Variants in ATP9B observed in about 807,000 individuals in gnomAD.
The protein encoded by ATP9B is ATPase phospholipid transporting 9B, also known as probable phospholipid-transporting ATPase IIB.
In ATP9B, 110 loss-of-function variants were observed where a neutral mutation model predicts 146.1. That is an observed-to-expected ratio of 0.75 (90% CI 0.65 to 0.88). ATP9B has a LOEUF of 0.88. Ranked by LOEUF, ATP9B falls within the 40% of genes least tolerant of loss-of-function variation. The probability of loss-of-function intolerance (pLI) is 0.00; values close to 1 mark genes in which losing one functional copy is unlikely to be tolerated. For missense variants in ATP9B, 1,499 were observed against 1,496.4 expected (o/e 1.00, Z -0.03); for synonymous variants, 604 against 569.7 (o/e 1.06, Z -0.86).
chr18:79,324,344 C>CT (rs2096732702), intron 15 of ATP9B, among the ~76,000 whole-genome samples: 1 of 152,090 alleles, frequency 6.6e-6, no homozygotes, highest in Non-Finnish European at 1.5e-5. Context: ...CTTTGGTTGC[C>CT]TGTGCTTTTG....
chr18:79,273,997 A>G (rs2096281575), intron 12 of ATP9B, among the ~76,000 whole-genome samples: 1 of 152,210 alleles, frequency 6.6e-6, no homozygotes, highest in African/African-American at 2.4e-5. Flanking sequence ...CTTTTGTTTC[A>G]GGTAACTGTC....
chr18:79,156,308 T>C (rs1027577897), intron 7 of ATP9B, among the ~76,000 whole-genome samples: 1 of 152,224 alleles, frequency 6.6e-6, no homozygotes, highest in Admixed American at 6.5e-5. Context: ...CCTAGTTAGC[T>C]GGTCCCATGT....
At chr18:79,258,565 A>C (rs1007157702) in intron 12 of ATP9B, among the ~76,000 whole-genome samples, 2 of 152,254 alleles carry the variant, frequency 1.3e-5, no homozygotes, top group Non-Finnish European at 2.9e-5. Flanking sequence ...TTATATCTAC[A>C]TACAACACCC....
intron 11 of ATP9B, among the ~76,000 whole-genome samples, chr18:79,233,015 G>A (rs2095806319): frequency 6.6e-6 from 1 of 152,148 alleles, no homozygotes; most frequent in South Asian, 2.1e-4. Flanking sequence ...TATGTGGCCG[G>A]GCACGGTGGC....
intron 8 of ATP9B, among the ~76,000 whole-genome samples, chr18:79,192,485 G>A (rs2095377069): frequency 6.6e-6 from 1 of 152,144 alleles, no homozygotes; most frequent in Non-Finnish European, 1.5e-5. Flanking sequence ...GCACTGGGGT[G>A]GCGTCCATTG....
intron 13 of ATP9B, chr18:79,299,970 T>G (rs993692221): frequency 1.3e-5 from 2 of 152,282 alleles, no homozygotes; most frequent in Admixed American, 6.5e-5. Context: ...TGTCTCCATC[T>G]AAGGAGTGGA....
intron 25 of ATP9B, among the ~76,000 whole-genome samples, chr18:79,350,458 G>A (rs993184157): frequency 6.6e-6 from 1 of 152,192 alleles, no homozygotes; most frequent in South Asian, 2.1e-4. Flanking sequence ...TCTCCTGGCC[G>A]CTGAGGCTCC....
At chr18:79,119,823 T>C (rs2094157494) in intron 4 of ATP9B, among the ~76,000 whole-genome samples, 1 of 152,230 alleles carries the variant, frequency 6.6e-6, no homozygotes, top group South Asian at 2.1e-4. Flanking sequence ...AACCTTTGAT[T>C]GAGCAAACCT....
intron 6 of ATP9B, among the ~76,000 whole-genome samples, chr18:79,151,774 C>A (rs940283096): frequency 1.3e-5 from 2 of 150,370 alleles, no homozygotes; most frequent in African/African-American, 4.9e-5. Context: ...GCAGAACGTG[C>A]AAGTTTGTTA....
At chr18:79,146,341 A>G in intron 6 of ATP9B, 1 of 161,566 alleles carries the variant, frequency 6.2e-6, no homozygotes, top group Non-Finnish European at 1.2e-5. Flanking sequence ...CGGTGTGCAG[A>G]GTGACTGAAG....
chr18:79,215,920 C>G (rs964993292), intron 11 of ATP9B, among the ~76,000 whole-genome samples: 6 of 152,170 alleles, frequency 3.9e-5, no homozygotes, highest in African/African-American at 1.4e-4. Flanking sequence ...AAACTCCTGA[C>G]CTCAAGTGAT....
At chr18:79,194,430 G>C (rs2095399340) in intron 9 of ATP9B, 1 of 152,250 alleles carries the variant, frequency 6.6e-6, no homozygotes, top group African/African-American at 2.4e-5. Context: ...AAGGAAGTCG[G>C]AGAGCAAGTG....
intron 14 of ATP9B, among the ~76,000 whole-genome samples, chr18:79,305,599 TAA>T (rs898110756): frequency 1.3e-5 from 2 of 149,678 alleles, no homozygotes; most frequent in African/African-American, 4.9e-5. Context: ...CTCTGCTTTT[TAA>T]AAAAAAAAAA....
At chr18:79,322,131 G>A (rs4799033) in intron 15 of ATP9B, among the ~76,000 whole-genome samples, 61,722 of 151,852 alleles carry the variant, frequency 0.41, 12,837 homozygotes, top group Middle Eastern at 0.55. Flanking sequence ...GGAGTGTATC[G>A]CTGATGCCCT....
At position 79,096,690 on chromosome 18, in the gene ATP9B, G is replaced by A. The variant is rs369003152; in HGVS notation, c.293+41G>A. 2.6e-6 allele frequency: 4 copies of A among 1,514,170 alleles called. No homozygotes were observed. In the African/African-American group the frequency reaches 4.2e-5, roughly 16 times the overall value. The allele number at this position is 1,514,170 out of a possible 1,614,324, so 93.8% of individuals were successfully genotyped here. ...CTACCTAATTTCCTTATATGCTAAG[G>A]TTACTTATAAGGTTAGCTTCTAATA... On this transcript the variant is annotated intron_variant, in intron 2 of 29. Coordinates refer to ENST00000426216, the MANE Select transcript of ATP9B (RefSeq NM_198531.5).
Position 79,373,505 on chromosome 18 carries a change from T to TC in ATP9B, c.3071-393_3071-392insC, listed in dbSNP as rs1448549844. ...CCATTATCCGCCTTTTTTTTTTTTT[T>TC]TTTAGACAGAGTCTCGCTCTGTCAC... On this transcript the variant is annotated intron_variant, in intron 27 of 29. Transcript: ENST00000426216. Among the ~76,000 whole-genome samples, 4 of 141,606 alleles carry TC rather than the reference T, an allele frequency of 2.8e-5. No individual in the cohort carries two copies. The East Asian group carries it at 8.0e-4, about 28-fold the overall frequency. The allele number at this position is 141,606 out of a possible 152,430, so 92.9% of individuals were successfully genotyped here.
At chr18:79,174,654 G>A (rs1263534935) in intron 7 of ATP9B, among the ~76,000 whole-genome samples, 1 of 152,180 alleles carries the variant, frequency 6.6e-6, no homozygotes, top group African/African-American at 2.4e-5. Flanking sequence ...GATTGTGTGA[G>A]TGCATACACA....
chr18:79,076,802 A>G (rs1271192704), intron 1 of ATP9B, among the ~76,000 whole-genome samples: 1 of 152,016 alleles, frequency 6.6e-6, no homozygotes, highest in Non-Finnish European at 1.5e-5. Context: ...TTCTTGTACC[A>G]TAGGGTCCTG....
intron 26 of ATP9B, chr18:79,361,632 T>C (rs1451843747): frequency 7.0e-6 from 2 of 286,974 alleles, no homozygotes; most frequent in East Asian, 3.5e-4. Flanking sequence ...TTCAAATTCT[T>C]TGAAAAGAAA....
Sources: allele counts gnomAD v4.1 joint callset (sites outside exome capture counted in the v4.1 genomes callset), GRCh38; gene constraint gnomAD v4.1.1; transcripts MANE v1.5; gene names NCBI Gene and HGNC (gene_info 2026-07-23, HGNC 2026-07-21).